The following TRIM27 variants were observed in gnomAD, a reference collection of about 807,000 sequenced individuals.
TRIM27 encodes zinc finger protein RFP.
In TRIM27, 12 loss-of-function variants were observed where a neutral mutation model predicts 57.6. The observed-to-expected ratio is 0.21, with a 90% CI of 0.13 to 0.34. TRIM27 has a LOEUF of 0.34. TRIM27 is among the 10% of genes least tolerant of loss of function. The probability of loss-of-function intolerance (pLI) is 1.00; values close to 1 mark genes in which losing one functional copy is unlikely to be tolerated. For synonymous variants in TRIM27, 266 were observed against 259.0 expected (o/e 1.03, Z -0.26); for missense variants, 403 against 656.8 (o/e 0.61, Z 4.22).
chr6:28,922,692 C>T (rs1774139933), intron 1 of TRIM27, among the ~76,000 whole-genome samples: 1 of 152,198 alleles, frequency 6.6e-6, no homozygotes, highest in South Asian at 2.1e-4. Context: ...TTCCTCATAA[C>T]TGTGTTATCT....
At chr6:28,907,388 T>TA (rs1772843799) in intron 6 of TRIM27, 126 bp from the exon 7 acceptor site, 1 of 890,926 alleles carries the variant, frequency 1.1e-6, no homozygotes, top group African/African-American at 1.6e-5. Flanking sequence ...CCTCTGTTGT[T>TA]AGTCATGCAC....
In TRIM27 at chr6:28,909,106, GA is replaced by G; in HGVS notation, c.771-19del. On this transcript the variant is annotated intron_variant, in intron 4 of 7. Transcript: ENST00000377199. ...TTTCAGCCCTAAATTTAAAAAACAT[GA>G]GTAAATTTTTTTTTTTTTTGAGATG... The G allele has an allele frequency of 6.4e-7, 1 of 1,569,248 alleles. No individual in the cohort carries two copies. The highest frequency in any genetic ancestry group is 1.7e-4 in the Middle Eastern group (1 of 5,880).
chr6:28,909,845 T>C (rs1773050512), intron 4 of TRIM27, among the ~76,000 whole-genome samples: 1 of 152,188 alleles, frequency 6.6e-6, no homozygotes, highest in African/African-American at 2.4e-5. Flanking sequence ...GCCTATCCAA[T>C]ACCCCTTCTG....
chr6:28,908,558 A>G lies in TRIM27; in HGVS notation c.919+250T>C, dbSNP rs543388669. On this transcript the variant is annotated intron_variant, in intron 6 of 7. Coordinates refer to ENST00000377199, the MANE Select transcript of TRIM27 (RefSeq NM_006510.5). ...AATCAAATTAATTCTGGATTGATTA[A>G]TTTTTGGATTGCTTATTTTTCTCCT... The G allele has an allele frequency of 3.8e-5, 18 of 474,180 alleles. No homozygotes were observed. The South Asian group carries it at 7.2e-4, about 19-fold the overall frequency. 29.4% of individuals were successfully genotyped at this position (474,180 alleles called of 1,614,324 possible).
intron 3 of TRIM27, among the ~76,000 whole-genome samples, chr6:28,916,302 C>T (rs2150481309): frequency 6.6e-6 from 1 of 151,708 alleles, no homozygotes; most frequent in Non-Finnish European, 1.5e-5. Flanking sequence ...CCTGTAATCC[C>T]AATACTTTGG....
Position 28,919,927 on chromosome 6 carries a change from CAG to C in TRIM27, c.747+83_747+84del, listed in dbSNP as rs1773895971. 1.7e-5 allele frequency: 22 copies of C among 1,288,358 alleles called. No homozygotes were observed. The South Asian group carries it at 3.2e-4, about 18-fold the overall frequency. 79.8% of individuals were successfully genotyped at this position (1,288,358 alleles called of 1,614,324 possible). A position where few individuals can be genotyped will look rare whatever the true frequency, so the allele number is the denominator to read the frequency against. On this transcript the variant is annotated intron_variant, in intron 3 of 7. Coordinates refer to ENST00000377199, the MANE Select transcript of TRIM27 (RefSeq NM_006510.5). The stretch of plus-strand genomic sequence containing the variant: ...TATTCCTGCAGAGTTAAAAAGAAGA[CAG>C]GGGGTCCTGGATACTACTTGGCAAA...
intron 3 of TRIM27, chr6:28,915,838 T>C (rs1203385210): frequency 6.6e-6 from 1 of 152,206 alleles, no homozygotes; most frequent in Non-Finnish European, 1.5e-5. Context: ...AAACATATTA[T>C]ATATCCATAC....
intron 4 of TRIM27, among the ~76,000 whole-genome samples, chr6:28,910,256 T>C (rs917567872): frequency 5.9e-5 from 9 of 151,772 alleles, no homozygotes; most frequent in African/African-American, 1.7e-4. Context: ...GAACAGTGAA[T>C]GGGAAGAAAC....
chr6:28,914,593 G>GA (rs1562166576), intron 3 of TRIM27, among the ~76,000 whole-genome samples: 1 of 93,936 alleles, frequency 1.1e-5, no homozygotes, highest in African/African-American at 4.1e-5. Context: ...GGGGGGGGGG[G>GA]ATGAGGGATA....
intron 4 of TRIM27, among the ~76,000 whole-genome samples, chr6:28,910,480 C>G (rs1022492085): frequency 2.0e-5 from 3 of 152,138 alleles, no homozygotes; most frequent in Non-Finnish European, 4.4e-5. Flanking sequence ...CAGGCATGCA[C>G]CACCACGCCC....
intron 6 of TRIM27, chr6:28,907,528 G>C: frequency 1.5e-6 from 1 of 674,250 alleles, no homozygotes; most frequent in Non-Finnish European, 2.8e-6. Flanking sequence ...ACTGAGCCAA[G>C]ATCAAGAATT....
At chr6:28,917,970 G>A (rs924989359) in intron 3 of TRIM27, among the ~76,000 whole-genome samples, 1 of 151,880 alleles carries the variant, frequency 6.6e-6, no homozygotes. Context: ...GGGATTACAA[G>A]CATGTGCCAC....
intron 3 of TRIM27, among the ~76,000 whole-genome samples, chr6:28,919,567 C>G (rs1773871537): frequency 6.6e-6 from 1 of 152,152 alleles, no homozygotes; most frequent in Admixed American, 6.5e-5. Context: ...CAGGACTGCT[C>G]AGGTAACCTA....
chr6:28,904,964 G>A lies in TRIM27; in HGVS notation c.947-299C>T. On this transcript the variant is annotated intron_variant, in intron 7 of 7. Transcript: ENST00000377199. The surrounding 1 kb of genome is among the most constrained non-coding windows in gnomAD (Gnocchi z 6.1). ...GTCTTGCTCTGTTGCCTAGGCTGGAGCGCAGTGGTGTGGTCATAGTTCATT... is the reference window on the plus strand; with the variant it reads ...GTCTTGCTCTGTTGCCTAGGCTGGAACGCAGTGGTGTGGTCATAGTTCATT... 1 of 413,284 alleles carries A rather than the reference G, an allele frequency of 2.4e-6. No individual in the cohort carries two copies. Among genetic ancestry groups the A allele is most frequent in the Non-Finnish European group, 4.4e-6 (1 of 229,862 alleles). The allele number at this position is 413,284 out of a possible 1,614,324, so 25.6% of individuals were successfully genotyped here.
chr6:28,920,306 TCTC>T (rs1773925813), intron 2 of TRIM27, 64 bp from the exon 3 acceptor site: 3 of 1,400,568 alleles, frequency 2.1e-6, no homozygotes, highest in Admixed American at 2.2e-5. Flanking sequence ...CCTTCATAGT[TCTC>T]CTGTGACCAT....
At chr6:28,911,482 G>A (rs945215847) in intron 4 of TRIM27, 15 of 537,174 alleles carry the variant, frequency 2.8e-5, no homozygotes, top group South Asian at 8.6e-5. Context: ...CTAATCCACC[G>A]GCAGCCTCCC....
intron 4 of TRIM27, among the ~76,000 whole-genome samples, chr6:28,910,237 G>C (rs1335696465): frequency 6.6e-6 from 1 of 151,938 alleles, no homozygotes; most frequent in Non-Finnish European, 1.5e-5. Flanking sequence ...CCATACCTTA[G>C]GGATGGTAGA....
At chr6:28,915,883 G>A (rs1297624681) in intron 3 of TRIM27, 2 of 152,078 alleles carry the variant, frequency 1.3e-5, no homozygotes, top group African/African-American at 2.4e-5. Context: ...GAGAAATACT[G>A]AAACATATAT....
chr6:28,921,758 C>T, intron 2 of TRIM27, 134 bp downstream of exon 2: 1 of 733,100 alleles, frequency 1.4e-6, no homozygotes, highest in East Asian at 2.5e-5. Context: ...TGAGTTCCCA[C>T]TGCCATGTGC....
Sources: gnomAD v4.1 joint callset for allele counts (sites outside exome capture counted in the v4.1 genomes callset) on GRCh38, gnomAD v4.1.1 for gene constraint, Gnocchi (gnomAD v3.1) non-coding constraint, MANE v1.5 for transcripts, NCBI Gene and HGNC (gene_info 2026-07-23, HGNC 2026-07-21) for gene names.